Variants in RAB11FIP1 observed in about 807,000 individuals in gnomAD.
RAB11FIP1 encodes RAB11 family interacting protein 1.
Under a neutral mutation model 83.1 loss-of-function variants are expected in RAB11FIP1, and 49 were observed. The observed-to-expected ratio is 0.59, with a 90% CI of 0.47 to 0.75. RAB11FIP1 has a LOEUF of 0.75. Ranked by LOEUF, RAB11FIP1 falls within the 30% of genes least tolerant of loss-of-function variation. The pLI is 0.00. For missense variants in RAB11FIP1, 1,536 were observed against 1,598.7 expected (o/e 0.96, Z 0.67); for synonymous variants, 670 against 656.0 (o/e 1.02, Z -0.33).
intron 5 of RAB11FIP1, among the ~76,000 whole-genome samples, chr8:37,870,026 G>A (rs556164945): frequency 7.2e-5 from 11 of 152,294 alleles, no homozygotes; most frequent in Middle Eastern, 3.4e-3. Context: ...ACTGGGTGTG[G>A]TGGTTCACGC....
chr8:37,861,878 C>T lies in RAB11FIP1; in HGVS notation c.*1017G>A, dbSNP rs1206434660. 1 of 240,790 alleles carries T rather than the reference C, an allele frequency of 4.2e-6. No individual in the cohort carries two copies. The highest frequency in any genetic ancestry group is 8.3e-6 in the Non-Finnish European group (1 of 119,978). 14.9% of individuals were successfully genotyped at this position (240,790 alleles called of 1,614,324 possible). On this transcript the variant is annotated 3_prime_UTR_variant, in exon 6 of 6. Coordinates refer to ENST00000330843, the MANE Select transcript of RAB11FIP1 (RefSeq NM_001002814.3). ...TGCTGGGATTACAGGCATGAGCCAC[C>T]ACGACTGGCCTGAAGGGGCTTCTTC... is the stretch of plus-strand genomic sequence containing the variant.
At chr8:37,876,623 T>A (rs184645497) in intron 2 of RAB11FIP1, among the ~76,000 whole-genome samples, 2,985 of 149,650 alleles carry the variant, frequency 0.02, 51 homozygotes, top group Non-Finnish European at 0.029. Context: ...AAAAATATTT[T>A]AAAAAAAGAA....
In RAB11FIP1 at chr8:37,877,292, T is replaced by C. The variant is rs1389391407; in HGVS notation, c.631A>G (p.Lys211Glu). ...GTCTTGATCTTTGATTTCTTTTTCT[T>C]GTCTTTAACCACAGACTCATCATCA... ...DSDDESVVKD[K>E]KKKSKIKTLL... Residue 211 changes from lysine (K) to glutamate (E), a missense_variant, in exon 2 of 6, where the codon AAG (lysine) becomes GAG (glutamate). Lys to Glu is a moderately conservative substitution (Grantham distance 56, BLOSUM62 1). Transcript: ENST00000330843. 3 of 1,614,106 alleles carry C rather than the reference T, an allele frequency of 1.9e-6. No homozygotes were observed. Among genetic ancestry groups the C allele is most frequent in the Non-Finnish European group, 2.5e-6 (3 of 1,180,038 alleles).
intron 1 of RAB11FIP1, among the ~76,000 whole-genome samples, chr8:37,885,801 G>A (rs1025810126): frequency 6.6e-6 from 1 of 152,172 alleles, no homozygotes; most frequent in Non-Finnish European, 1.5e-5. Context: ...TTCTGGAACA[G>A]CTAAGACCAT....
At chr8:37,867,304 T>A (rs565170359) in intron 5 of RAB11FIP1, among the ~76,000 whole-genome samples, 1 of 152,390 alleles carries the variant, frequency 6.6e-6, no homozygotes, top group Non-Finnish European at 1.5e-5. Flanking sequence ...GTTGACATAT[T>A]GTACATTTTT....
chr8:37,873,177 A>G lies in RAB11FIP1; in HGVS notation c.1625T>C (p.Leu542Pro), dbSNP rs1806520211. Residue 542 changes from leucine to proline, a missense_variant and splice_region_variant, in exon 4 of 6, where the codon CTG becomes CCG. Physicochemically the swap from Leu to Pro is moderately conservative, Grantham distance 98 (BLOSUM62 -3). Transcript: ENST00000330843. ...GGGTTGCGCCTCTGGAGACACTTCC[A>G]GTCTGCAAAAAGGACAAAATAAAAT... ...APQTRAVKPRLEVSPEAQPTA... is the reference protein window; with the variant it reads ...APQTRAVKPRPEVSPEAQPTA... 1 of 1,580,580 alleles carries G rather than the reference A, an allele frequency of 6.3e-7. No individual in the cohort carries two copies. The highest frequency in any genetic ancestry group is 8.6e-7 in the Non-Finnish European group (1 of 1,169,194).
In RAB11FIP1 at chr8:37,870,452, T is replaced by G. The variant is rs763386038; in HGVS notation, c.3601A>C (p.Ser1201Arg). The change falls in exon 5 of 6, where the codon AGT (serine) becomes CGT (arginine). Residue 1201 changes from serine (S) to arginine (R), a missense_variant. By Grantham distance (110) the Ser-to-Arg change is moderately radical (BLOSUM62 -1). Transcript: ENST00000330843. The stretch of plus-strand genomic sequence containing the variant: ...ATGACCTCATTGTTCAAGTTCTCAC[T>G]GATGATGGTGGCAGTTCCCAAGCTG... ...NCSLGTATII[S>R]ENLNNEVMMK... The G allele has an allele frequency of 6.2e-7, 1 of 1,610,890 alleles. No homozygotes were observed. The highest frequency in any genetic ancestry group is 8.5e-7 in the Non-Finnish European group (1 of 1,177,244).
At chr8:37,891,107 G>A (rs1055149712) in intron 1 of RAB11FIP1, among the ~76,000 whole-genome samples, 1 of 152,148 alleles carries the variant, frequency 6.6e-6, no homozygotes, top group African/African-American at 2.4e-5. Flanking sequence ...AGCCAGCTGG[G>A]GCATGAGATC....
At chr8:37,868,378 C>T (rs1006100890) in intron 5 of RAB11FIP1, among the ~76,000 whole-genome samples, 13 of 148,698 alleles carry the variant, frequency 8.7e-5, no homozygotes, top group African/African-American at 2.5e-4. Context: ...GCCAAGATGG[C>T]GCCATTGCAC....
At chr8:37,867,898 C>CTCTT (rs1417811990) in intron 5 of RAB11FIP1, among the ~76,000 whole-genome samples, 1 of 152,272 alleles carries the variant, frequency 6.6e-6, no homozygotes, top group Non-Finnish European at 1.5e-5. Flanking sequence ...TTTATCCCAG[C>CTCTT]TCTTACTGGT....
At chr8:37,884,321 C>T (rs1806783819) in intron 1 of RAB11FIP1, among the ~76,000 whole-genome samples, 1 of 151,808 alleles carries the variant, frequency 6.6e-6, no homozygotes, top group South Asian at 2.1e-4. Context: ...CTTCGGCCTC[C>T]CAAAGTGCTG....
intron 1 of RAB11FIP1, among the ~76,000 whole-genome samples, chr8:37,883,343 C>A (rs780024354): frequency 1.3e-5 from 2 of 152,084 alleles, no homozygotes; most frequent in Non-Finnish European, 2.9e-5. Flanking sequence ...GGATTACAGG[C>A]GTGCGCAACT....
chr8:37,869,531 G>A (rs1806407542), intron 5 of RAB11FIP1, among the ~76,000 whole-genome samples: 1 of 152,138 alleles, frequency 6.6e-6, no homozygotes, highest in Admixed American at 6.6e-5. Context: ...GGGGGAGGTT[G>A]CAGTGAGCCG....
Position 37,875,273 on chromosome 8 carries a change from C to T in RAB11FIP1, c.864G>A (p.Gln288=). The change falls in exon 3 of 6, where the codon CAG becomes CAA. Residue 288 remains glutamine (Q), a synonymous_variant. Coordinates refer to ENST00000330843, the MANE Select transcript of RAB11FIP1 (RefSeq NM_001002814.3). ...TASTDLKQLN[Q]VNFTLPKKEG... is the part of the protein sequence containing the mutation. ...CCTTCTTGGGAAGGGTAAAGTTGAC[C>T]TGGTTCAGTTGCTTAAGATCCGTAC... 2 of 1,613,674 alleles carry T rather than the reference C, an allele frequency of 1.2e-6. No homozygotes were observed. The highest frequency in any genetic ancestry group is 1.7e-6 in the Non-Finnish European group (2 of 1,179,908).
At chr8:37,894,739 T>TATATATATATATATATATATACAC (rs1416954611) in intron 1 of RAB11FIP1, among the ~76,000 whole-genome samples, 1 of 147,240 alleles carries the variant, frequency 6.8e-6, no homozygotes, top group African/African-American at 2.5e-5. Flanking sequence ...TATATATATA[T>TATATATATATATATATATATACAC]ACACACACAC....
In RAB11FIP1 at chr8:37,872,231, GGGA is replaced by G; in HGVS notation, c.2568_2570del (p.Pro857del). 1 of 1,614,066 alleles carries G rather than the reference GGGA, an allele frequency of 6.2e-7. No individual in the cohort carries two copies. The highest frequency in any genetic ancestry group is 8.5e-7 in the Non-Finnish European group (1 of 1,180,000). On this transcript the variant is annotated inframe_deletion, in exon 4 of 6. Transcript: ENST00000330843. ...ATTCCCTTTCTGAGTCCTCTGCGTGGGGAGACTCAGGAGGCTCTCCGTCAGACG... is the reference window on the plus strand; with the variant it reads ...ATTCCCTTTCTGAGTCCTCTGCGTGGGACTCAGGAGGCTCTCCGTCAGACG...
chr8:37,860,739 TGA>T lies in RAB11FIP1; in HGVS notation c.*2154_*2155del, dbSNP rs1806217102. The T allele has an allele frequency of 2.6e-5, 4 of 152,690 alleles. No homozygotes were observed. Among genetic ancestry groups the T allele is most frequent in the Admixed American group, 2.6e-4 (4 of 15,282 alleles). The allele number at this position is 152,690 out of a possible 1,614,324, so 9.5% of individuals were successfully genotyped here. ...TAGCACTACAAAAATACAAGTCATC[TGA>T]GAAGTTTACAGTGGTCCCAGTACTG... On this transcript the variant is annotated 3_prime_UTR_variant, in exon 6 of 6. Transcript: ENST00000330843.
intron 1 of RAB11FIP1, among the ~76,000 whole-genome samples, chr8:37,878,276 T>C (rs992147008): frequency 6.6e-6 from 1 of 151,926 alleles, no homozygotes. Context: ...GGCTCACACC[T>C]GTAATCCCAG....
In RAB11FIP1 at chr8:37,899,042, C is replaced by A; in HGVS notation, c.371+29G>T. 6.9e-7 allele frequency: 1 copy of A among 1,444,758 alleles called. No individual in the cohort carries two copies. The highest frequency in any genetic ancestry group is 1.4e-5 in the South Asian group (1 of 70,566). The allele number at this position is 1,444,758 out of a possible 1,614,324, so 89.5% of individuals were successfully genotyped here. On this transcript the variant is annotated intron_variant, in intron 1 of 5. Coordinates refer to ENST00000330843, the MANE Select transcript of RAB11FIP1 (RefSeq NM_001002814.3). The surrounding 1 kb of genome is among the most constrained non-coding windows in gnomAD (Gnocchi z 4.5). ...GCCGGAGGGGTCCGCGCCCCCAGGC[C>A]GGGCCCTCCCCTCCCCGCCCGCACT...
Sources: allele counts gnomAD v4.1 joint callset (sites outside exome capture counted in the v4.1 genomes callset), GRCh38; gene constraint gnomAD v4.1.1; non-coding constraint Gnocchi (gnomAD v3.1); transcripts MANE v1.5; gene names NCBI Gene and HGNC (gene_info 2026-07-23, HGNC 2026-07-21).